The following PTPRG variants were observed in gnomAD, a reference collection of about 807,000 sequenced individuals.
PTPRG encodes the protein protein tyrosine phosphatase receptor type G.
In PTPRG, 102 loss-of-function variants were observed where a neutral mutation model predicts 165.3. The observed-to-expected ratio is 0.62, with a 90% CI of 0.53 to 0.73. The LOEUF is 0.73. PTPRG is among the 30% of genes least tolerant of loss of function. The pLI is 0.00. For missense variants in PTPRG, 1,866 were observed against 1,861.4 expected (o/e 1.00, Z -0.05); for synonymous variants, 675 against 669.5 (o/e 1.01, Z -0.13).
chr3:61,833,462 C>T (rs1230549491), intron 2 of PTPRG, among the ~76,000 whole-genome samples: 1 of 152,086 alleles, frequency 6.6e-6, no homozygotes, highest in East Asian at 1.9e-4. Context: ...AGCGAGAGTC[C>T]CTGCGAGGAT....
At chr3:62,107,740 A>AT (rs1282923647) in intron 5 of PTPRG, among the ~76,000 whole-genome samples, 1 of 152,218 alleles carries the variant, frequency 6.6e-6, no homozygotes, top group Admixed American at 6.5e-5. Flanking sequence ...GTAAAAACTC[A>AT]TATTTGTTGA....
At chr3:61,703,653 A>G (rs896002936) in intron 1 of PTPRG, among the ~76,000 whole-genome samples, 3 of 152,006 alleles carry the variant, frequency 2.0e-5, no homozygotes, top group Non-Finnish European at 4.4e-5. Flanking sequence ...TATCAGTGAA[A>G]CTTCACCTTT....
intron 1 of PTPRG, among the ~76,000 whole-genome samples, chr3:61,620,766 T>G (rs1360694448): frequency 2.0e-5 from 3 of 151,970 alleles, no homozygotes; most frequent in African/African-American, 7.3e-5. Flanking sequence ...GTAGCTAGGA[T>G]TACAAGTGTG....
chr3:61,638,292 T>C (rs1025581646), intron 1 of PTPRG, among the ~76,000 whole-genome samples: 2 of 152,062 alleles, frequency 1.3e-5, no homozygotes, highest in African/African-American at 2.4e-5. Context: ...TTTCCTGTTA[T>C]GTTAAGCAGA....
intron 6 of PTPRG, among the ~76,000 whole-genome samples, chr3:62,144,292 A>C (rs563990218): frequency 6.6e-5 from 10 of 152,278 alleles, no homozygotes; most frequent in African/African-American, 2.2e-4. Context: ...GGGCAATGTA[A>C]ATACTCACTC....
chr3:61,761,488 G>C (rs998430874), intron 2 of PTPRG, among the ~76,000 whole-genome samples: 1 of 152,206 alleles, frequency 6.6e-6, no homozygotes, highest in African/African-American at 2.4e-5. Context: ...TGAAGCAGGA[G>C]AATCGCTTGA....
chr3:62,243,968 TAAAA>T (rs1036462431), intron 15 of PTPRG, 70 bp downstream of exon 15: 1 of 963,120 alleles, frequency 1.0e-6, no homozygotes, highest in African/African-American at 1.6e-5. Flanking sequence ...TTTTATGTGA[TAAAA>T]CAACAAAATA....
intron 13 of PTPRG, among the ~76,000 whole-genome samples, chr3:62,226,176 C>T (rs1700759630): frequency 6.6e-6 from 1 of 152,184 alleles, no homozygotes; most frequent in African/African-American, 2.4e-5. Context: ...CTTCATAGCC[C>T]ACTGGGTTAG....
At chr3:62,169,806 C>T (rs953005119) in intron 8 of PTPRG, among the ~76,000 whole-genome samples, 22 of 152,034 alleles carry the variant, frequency 1.4e-4, no homozygotes, top group African/African-American at 3.4e-4. Flanking sequence ...TGGTACGTTA[C>T]GTGGAGAGGT....
rs1553659432 is a variant in PTPRG at position 61,746,231 on chromosome 3, T to TTTC, written c.86-2645_86-2644insCTT. ...TAATTTTTTTTTTTTTTTTTTTTTT[T>TTTC]TTTTTGAGACAGAATCTCGCTGTGT... On this transcript the variant is annotated intron_variant, in intron 1 of 29. Coordinates refer to ENST00000474889, the MANE Select transcript of PTPRG (RefSeq NM_002841.4). 2.6e-3 allele frequency among the ~76,000 whole-genome samples: 192 copies of TTTC among 72,890 alleles called. 2 individuals are homozygous for TTTC. The highest frequency in any genetic ancestry group is 9.0e-3 in the South Asian group (22 of 2,438). 47.8% of individuals were successfully genotyped at this position (72,890 alleles called of 152,430 possible). A position where few individuals can be genotyped will look rare whatever the true frequency, so the allele number is the denominator to read the frequency against.
At chr3:61,585,072 G>C (rs566451915) in intron 1 of PTPRG, among the ~76,000 whole-genome samples, 16 of 152,048 alleles carry the variant, frequency 1.1e-4, no homozygotes, top group African/African-American at 3.6e-4. Context: ...CTTGAGCTCA[G>C]GAGTTCCAGA....
At chr3:61,735,415 C>A (rs933651212) in intron 1 of PTPRG, among the ~76,000 whole-genome samples, 8 of 152,104 alleles carry the variant, frequency 5.3e-5, no homozygotes, top group Non-Finnish European at 4.4e-5. Context: ...GGAAAGGAAG[C>A]AAATCTAACA....
At chr3:62,043,776 A>G (rs1447894410) in intron 4 of PTPRG, among the ~76,000 whole-genome samples, 1 of 152,206 alleles carries the variant, frequency 6.6e-6, no homozygotes, top group Non-Finnish European at 1.5e-5. Context: ...TAAACAGTAG[A>G]AAACACAACC....
intron 4 of PTPRG, among the ~76,000 whole-genome samples, chr3:62,023,300 G>A (rs2107765156): frequency 6.6e-6 from 1 of 152,182 alleles, no homozygotes; most frequent in Middle Eastern, 3.4e-3. Flanking sequence ...CTTTTCCTTA[G>A]CCAAAGATAG....
chr3:62,160,885 T>TTTTTTTTTTTTG (rs1452272876), intron 7 of PTPRG, among the ~76,000 whole-genome samples: 1 of 144,608 alleles, frequency 6.9e-6, no homozygotes, highest in African/African-American at 2.6e-5. Flanking sequence ...TTTTTTTTTT[T>TTTTTTTTTTTTG]TTTCTGACAG....
rs565486686 is a variant in PTPRG, at chr3:62,103,187, CA to C, written c.615+24931del. ...TTGTGTTTCCAGCTATTGGAACATT[CA>C]ACCTCAAGACTGTGATCTTTCTGTG... On this transcript the variant is annotated intron_variant, in intron 5 of 29. Transcript: ENST00000474889. 2.0e-5 allele frequency among the ~76,000 whole-genome samples: 3 copies of C among 150,214 alleles called. No individual in the cohort carries two copies. In the South Asian group the frequency reaches 6.4e-4, roughly 32 times the overall value.
At chr3:61,871,207 TA>T (rs1219667357) in intron 2 of PTPRG, among the ~76,000 whole-genome samples, 1 of 149,672 alleles carries the variant, frequency 6.7e-6, no homozygotes, top group Admixed American at 6.7e-5. Flanking sequence ...TATGTTATGT[TA>T]TGTTATGTTA....
chr3:62,218,151 T>C (rs1346096429), intron 12 of PTPRG, among the ~76,000 whole-genome samples: 1 of 152,170 alleles, frequency 6.6e-6, no homozygotes, highest in Non-Finnish European at 1.5e-5. Context: ...TGCTGGGATG[T>C]GCTGTTGCTC....
At chr3:61,704,243 G>C (rs528395208) in intron 1 of PTPRG, among the ~76,000 whole-genome samples, 1 of 152,268 alleles carries the variant, frequency 6.6e-6, no homozygotes, top group Non-Finnish European at 1.5e-5. Context: ...AGTTTGTCCA[G>C]CTGTAAAAAG....
Sources: allele counts gnomAD v4.1 joint callset (sites outside exome capture counted in the v4.1 genomes callset), GRCh38; gene constraint gnomAD v4.1.1; transcripts MANE v1.5; gene names NCBI Gene and HGNC (gene_info 2026-07-23, HGNC 2026-07-21).